EP400: variants seen among roughly 807,000 people sequenced by gnomAD.
EP400 encodes the protein E1A binding protein p400.
In EP400, 105 loss-of-function variants were observed where a neutral mutation model predicts 354.1. The ratio of observed to expected loss-of-function variants is 0.30; its 90% CI spans 0.25 to 0.35. The LOEUF (loss-of-function observed/expected upper bound fraction) is 0.35, where lower values mean the gene tolerates loss of function less well. EP400 is among the 10% of genes least tolerant of loss of function. The probability of loss-of-function intolerance (pLI) is 1.00; values close to 1 mark genes in which losing one functional copy is unlikely to be tolerated. For synonymous variants in EP400, 1,646 were observed against 1,716.9 expected (o/e 0.96, Z 1.02); for missense variants, 3,280 against 4,121.0 (o/e 0.80, Z 5.59).
At chr12:132,011,751 T>C (rs1893774006) in intron 16 of EP400, 117 bp downstream of exon 16, 7 of 1,269,662 alleles carry the variant, frequency 5.5e-6, no homozygotes, top group Non-Finnish European at 7.5e-6. Flanking sequence ...AGATCACTCA[T>C]TCATGAGTTA....
chr12:132,062,923 CT>C (rs1374561945), intron 47 of EP400, among the ~76,000 whole-genome samples: 1 of 152,202 alleles, frequency 6.6e-6, no homozygotes, highest in Non-Finnish European at 1.5e-5. Flanking sequence ...ATTCAGAGCA[CT>C]TTGGAGACAT....
rs997101823 is a variant in EP400 at position 131,979,734 on chromosome 12, G to A, written c.1376G>A (p.Ser459Asn). The A allele has an allele frequency of 5.6e-6, 9 of 1,610,360 alleles. No individual in the cohort carries two copies. The highest frequency in any genetic ancestry group is 1.3e-5 in the African/African-American group (1 of 74,648). Reference protein sequence around the residue: ...LAGSLVAGAGSTVETDLFKRQ... With the variant: ...LAGSLVAGAGNTVETDLFKRQ... The stretch of plus-strand genomic sequence containing the variant: ...GGGAGCCTGGTAGCAGGGGCCGGAA[G>A]CACAGTAGAGACGGACCTGTTTAAG... Residue 459 changes from serine to asparagine, a missense_variant, in exon 3 of 53, where the codon AGC (serine) becomes AAC (asparagine). Coordinates refer to ENST00000389561, the MANE Select transcript of EP400 (RefSeq NM_015409.5).
In EP400 at chr12:132,069,216, G is replaced by A. The variant is rs139001678; in HGVS notation, c.8875-279G>A. 2,532 of 395,512 alleles carry A rather than the reference G, an allele frequency of 6.4e-3. 62 individuals carry two copies. The highest frequency in any genetic ancestry group is 0.047 in the African/African-American group (2,313 of 49,710). The allele number at this position is 395,512 out of a possible 1,614,324, so 24.5% of individuals were successfully genotyped here. On this transcript the variant is annotated intron_variant, in intron 50 of 52. Coordinates refer to ENST00000389561, the MANE Select transcript of EP400 (RefSeq NM_015409.5). The stretch of plus-strand genomic sequence containing the variant: ...GGGTGTCAGGGTGCCCCACCAGCCC[G>A]ACTATTCAGGGAGCAGTGTCCCGGG...
In EP400 at chr12:132,029,737, C is replaced by G; in HGVS notation, c.5418C>G (p.Pro1806=). 1.2e-6 allele frequency: 2 copies of G among 1,613,254 alleles called. No individual in the cohort carries two copies. Among genetic ancestry groups the G allele is most frequent in the Non-Finnish European group, 8.5e-7 (1 of 1,180,026 alleles). The part of the protein sequence containing the change: ...AFVIPPVVAA[P]PSLRVPRPPP... ...TGATTCCTCCGGTGGTGGCAGCACC[C>G]CCGTCCCTACGGGTGCCGCGGCCGC... Residue 1806 remains proline, a synonymous_variant, in exon 28 of 53, where the codon CCC becomes CCG. Transcript: ENST00000389561. The surrounding 1 kb of genome is among the most constrained non-coding windows in gnomAD (Gnocchi z 4.7).
At chr12:132,023,379 C>T (rs1463274936) in intron 23 of EP400, among the ~76,000 whole-genome samples, 1 of 132,496 alleles carries the variant, frequency 7.5e-6, no homozygotes, top group East Asian at 2.6e-4. Context: ...TGGTCTCAAA[C>T]TCCTGACCTC....
At position 132,050,638 on chromosome 12, in the gene EP400, G is replaced by A. The variant is rs772770712; in HGVS notation, c.7377G>A (p.Ala2459=). The change falls in exon 41 of 53, where the codon GCG becomes GCA. Residue 2459 remains alanine, a synonymous_variant. Transcript: ENST00000389561. The surrounding 1 kb of genome is among the most constrained non-coding windows in gnomAD (Gnocchi z 4.8). ...CCTTTCAGAAGAACCCCAAGCACGC[G>A]TCTGTGTTGGCAGAAAGGTATTTCT... The part of the protein sequence containing the change: ...MNPFQKNPKH[A]SVLAESGINY... 21 of 1,614,076 alleles carry A rather than the reference G, an allele frequency of 1.3e-5. No homozygotes were observed. The African/African-American group carries it at 1.5e-4, about 11-fold the overall frequency.
chr12:132,045,432 A>T lies in EP400; in HGVS notation c.6898A>T (p.Lys2300Ter). The T allele has an allele frequency of 6.2e-7, 1 of 1,614,220 alleles. No homozygotes were observed. Among genetic ancestry groups the T allele is most frequent in the Non-Finnish European group, 8.5e-7 (1 of 1,180,032 alleles). Residue 2300 changes from lysine (K) to a stop codon, truncating the protein, a stop_gained, in exon 38 of 53, where the codon AAG becomes TAG. Coordinates refer to ENST00000389561, the MANE Select transcript of EP400 (RefSeq NM_015409.5). LOFTEE classifies it high-confidence loss of function. ...AATTCGCAGAGAGGGCAAGGAGCAGAAGAAGAATATTCTGCTGAAGCAGCA... is the reference window on the plus strand; with the variant it reads ...AATTCGCAGAGAGGGCAAGGAGCAGTAGAAGAATATTCTGCTGAAGCAGCA... ...LKIRREGKEQ[K>*]KNILLKQQVP... is the part of the protein sequence containing the mutation.
At chr12:132,055,754 A>G (rs375231999) in intron 45 of EP400, among the ~76,000 whole-genome samples, 1,594 of 136,532 alleles carry the variant, frequency 0.012, 43 homozygotes, top group South Asian at 0.093. Flanking sequence ...GTAGGAGGGT[A>G]TGTGTGTGTG....
In EP400 at chr12:132,069,580, C is replaced by T; in HGVS notation, c.8960C>T (p.Thr2987Ile). ...CCGGCCCTTAAGACCCAGTTTCTTA[C>T]CACACCCATCTCCCAGGCCCAGAAA... ...AQPALKTQFL[T>I]TPISQAQKLA... is the part of the protein sequence containing the mutation. The change falls in exon 51 of 53, where the codon ACC (threonine) becomes ATC (isoleucine). Residue 2987 changes from threonine to isoleucine, a missense_variant. Around this residue, in one of 20 missense-constraint regions of EP400, gnomAD observed 279 missense variants for 386.7 expected, o/e 0.72. Transcript: ENST00000389561. The T allele has an allele frequency of 6.2e-7, 1 of 1,614,246 alleles. No homozygotes were observed. Among genetic ancestry groups the T allele is most frequent in the Non-Finnish European group, 8.5e-7 (1 of 1,180,028 alleles).
In EP400 at chr12:132,028,097, C is replaced by T; in HGVS notation, c.5190C>T (p.Val1730=). ...AGCGGCGCTGTTCTCAAGCTCCAGTCTATGGCAGAGACTTGCTAAGGATTT... is the reference window on the plus strand; with the variant it reads ...AGCGGCGCTGTTCTCAAGCTCCAGTTTATGGCAGAGACTTGCTAAGGATTT... ...VNERRCSQAP[V]YGRDLLRICA... is the part of the protein sequence containing the mutation. The change falls in exon 27 of 53, where the codon GTC becomes GTT. Residue 1730 remains valine (V), a synonymous_variant. Coordinates refer to ENST00000389561, the MANE Select transcript of EP400 (RefSeq NM_015409.5). 6.2e-7 allele frequency: 1 copy of T among 1,614,206 alleles called. No homozygotes were observed. The highest frequency in any genetic ancestry group is 8.5e-7 in the Non-Finnish European group (1 of 1,180,044).
At chr12:131,988,324 A>C (rs550772619) in intron 7 of EP400, among the ~76,000 whole-genome samples, 55 of 152,168 alleles carry the variant, frequency 3.6e-4, no homozygotes, top group Middle Eastern at 3.2e-3. Context: ...GTGCTCACCC[A>C]CTAAGCAATG....
In EP400 at chr12:132,066,839, C is replaced by G. The variant is rs761801463; in HGVS notation, c.8619C>G (p.Ala2873=). ...GQMQTQAPQP[A]QVALAKPPVV... is the part of the protein sequence containing the mutation. ...TGCAGACCCAGGCACCCCAGCCAGC[C>G]CAGGTGGCCTTGGCGAAGCCTCCGG... The change falls in exon 49 of 53, where the codon GCC becomes GCG. Residue 2873 remains alanine (A), a synonymous_variant. Transcript: ENST00000389561. 6.2e-7 allele frequency: 1 copy of G among 1,614,060 alleles called. No homozygotes were observed. The highest frequency in any genetic ancestry group is 1.1e-5 in the South Asian group (1 of 91,074).
intron 51 of EP400, among the ~76,000 whole-genome samples, chr12:132,074,614 C>T (rs992358214): frequency 6.6e-6 from 1 of 152,202 alleles, no homozygotes; most frequent in Non-Finnish European, 1.5e-5. Flanking sequence ...TTGCCCCTGT[C>T]CTGCTTCCTC....
In EP400 at chr12:132,062,526, A is replaced by G; in HGVS notation, c.8159A>G (p.Gln2720Arg). Residue 2720 changes from glutamine (Q) to arginine (R), a missense_variant, in exon 47 of 53, where the codon CAG becomes CGG. Physicochemically the swap from Gln to Arg is conservative, Grantham distance 43. Coordinates refer to ENST00000389561, the MANE Select transcript of EP400 (RefSeq NM_015409.5). The part of the protein sequence containing the change: ...ITPAHFQLLR[Q>R]QQQQQQQQQQ... Reference sequence around the variant, plus strand: ...CCTGCACATTTCCAGCTTCTCAGGCAGCAGCAGCAGCAGCAGCAACAACAG... The same window carrying G: ...CCTGCACATTTCCAGCTTCTCAGGCGGCAGCAGCAGCAGCAGCAACAACAG... The G allele has an allele frequency of 6.4e-7, 1 of 1,567,250 alleles. No individual in the cohort carries two copies. The highest frequency in any genetic ancestry group is 8.7e-7 in the Non-Finnish European group (1 of 1,148,962).
Position 131,976,688 on chromosome 12 carries a change from C to T in EP400, c.1336-3006C>T, listed in dbSNP as rs141518132. On this transcript the variant is annotated intron_variant, in intron 2 of 52. Coordinates refer to ENST00000389561, the MANE Select transcript of EP400 (RefSeq NM_015409.5). ...TCGTACCATTGCACTCCAGCCTGGGCGACAGAGCGAGACTCTGTCTCAAAA... is the reference window on the plus strand; with the variant it reads ...TCGTACCATTGCACTCCAGCCTGGGTGACAGAGCGAGACTCTGTCTCAAAA... Among the ~76,000 whole-genome samples the T allele has an allele frequency of 5.1e-4, 78 of 152,138 alleles. 1 individual carries two copies. Among genetic ancestry groups the T allele is most frequent in the African/African-American group, 6.0e-4 (25 of 41,498 alleles).
In EP400 at chr12:132,044,830, G is replaced by A. The variant is rs749892027; in HGVS notation, c.6661G>A (p.Asp2221Asn). The A allele has an allele frequency of 1.1e-5, 17 of 1,613,986 alleles. No homozygotes were observed. Among genetic ancestry groups the A allele is most frequent in the Non-Finnish European group, 1.4e-5 (17 of 1,180,016 alleles). ...LWTPPTPPQD[D>N]SDIYLDSVMC... ...GACCCCACCCACCCCGCCGCAGGAC[G>A]ACAGCGACATCTACCTCGACTCGGT... Residue 2221 changes from aspartate to asparagine, a missense_variant, in exon 37 of 53, where the codon GAC (aspartate) becomes AAC (asparagine). Asp to Asn is a conservative substitution (Grantham distance 23). Coordinates refer to ENST00000389561, the MANE Select transcript of EP400 (RefSeq NM_015409.5).
chr12:132,063,387 C>A (rs1187927566), intron 47 of EP400, among the ~76,000 whole-genome samples: 1 of 152,084 alleles, frequency 6.6e-6, no homozygotes, highest in Non-Finnish European at 1.5e-5. Flanking sequence ...GTGGCGGGTG[C>A]CTGTAATCCC....
At chr12:132,069,688 CG>C in intron 51 of EP400, 47 bp downstream of exon 51, 1 of 1,606,916 alleles carries the variant, frequency 6.2e-7, no homozygotes, top group Non-Finnish European at 8.5e-7. Context: ...AGTGGGTGCC[CG>C]GCCTTTGGAT....
chr12:132,003,172 C>T lies in EP400; in HGVS notation c.2828-1905C>T, dbSNP rs532344828. 1.6e-3 allele frequency among the ~76,000 whole-genome samples: 233 copies of T among 150,282 alleles called. 1 individual carries two copies. Among genetic ancestry groups the T allele is most frequent in the Non-Finnish European group, 2.0e-3 (133 of 67,628 alleles). ...TTCAGCCTGGGCAACATAGCAAGAC[C>T]CCATCTCTAAAAGAAATATTAAAAA... On this transcript the variant is annotated intron_variant, in intron 12 of 52. Coordinates refer to ENST00000389561, the MANE Select transcript of EP400 (RefSeq NM_015409.5).
Sources: allele counts gnomAD v4.1 joint callset (sites outside exome capture counted in the v4.1 genomes callset), GRCh38; gene constraint gnomAD v4.1.1; regional missense constraint gnomAD v4.1.1; non-coding constraint Gnocchi (gnomAD v3.1); transcripts MANE v1.5; gene names NCBI Gene and HGNC (gene_info 2026-07-23, HGNC 2026-07-21).